Variants in GLIS1 observed in about 807,000 individuals in gnomAD.
GLIS1 encodes the protein zinc finger protein GLIS1.
Under a neutral mutation model 63.8 loss-of-function variants are expected in GLIS1, and 24 were observed. The observed-to-expected ratio is 0.38, with a 90% CI of 0.27 to 0.53. The LOEUF (loss-of-function observed/expected upper bound fraction) is 0.53, where lower values mean the gene tolerates loss of function less well. Among genes scored for constraint, GLIS1 ranks in the 20% least tolerant of loss-of-function variants. The pLI, the probability that GLIS1 is intolerant of heterozygous loss-of-function variation, is 0.85. For missense variants in GLIS1, 1,036 were observed against 1,074.1 expected, an observed-to-expected ratio of 0.96 and a Z score of 0.50; for synonymous variants, 450 against 482.5, an observed-to-expected ratio of 0.93 and a Z score of 0.88.
At chr1:53,713,540 C>T (rs552430129) in intron 2 of GLIS1, among the ~76,000 whole-genome samples, 1 of 152,088 alleles carries the variant, frequency 6.6e-6, no homozygotes, top group Non-Finnish European at 1.5e-5. Flanking sequence ...CACAGTAAGA[C>T]CTCGTCTCTT....
intron 2 of GLIS1, among the ~76,000 whole-genome samples, chr1:53,640,884 G>A (rs1306170835): frequency 2.0e-5 from 3 of 152,144 alleles, no homozygotes; most frequent in African/African-American, 7.2e-5. Context: ...TCTGGGCTTG[G>A]CTGAGATGCA....
chr1:53,639,539 G>A lies in GLIS1; in HGVS notation c.260-39261C>T, dbSNP rs1472736658. On this transcript the variant is annotated intron_variant, in intron 2 of 10. Coordinates refer to ENST00000628545, the MANE Select transcript of GLIS1 (RefSeq NM_001367484.1). The surrounding 1 kb of genome is among the most constrained non-coding windows in gnomAD (Gnocchi z 4.6). ...CCTGGCCCTTTTCTGTGGTTGCAGC[G>A]AAACCAGACTCTCAGGTGATTCACA... is the stretch of plus-strand genomic sequence containing the variant. Among the ~76,000 whole-genome samples, 1 of 152,248 alleles carries A rather than the reference G, an allele frequency of 6.6e-6. No homozygotes were observed. Among genetic ancestry groups the A allele is most frequent in the South Asian group, 2.1e-4 (1 of 4,818 alleles).
chr1:53,657,539 C>T (rs1204040561), intron 2 of GLIS1, among the ~76,000 whole-genome samples: 1 of 152,166 alleles, frequency 6.6e-6, no homozygotes, highest in African/African-American at 2.4e-5. Context: ...TGGCAGCTTC[C>T]CTCTTGGTTT....
intron 2 of GLIS1, among the ~76,000 whole-genome samples, chr1:53,723,583 T>C (rs1203240085): frequency 6.6e-6 from 1 of 152,120 alleles, no homozygotes; most frequent in Non-Finnish European, 1.5e-5. Flanking sequence ...ATCTCAATGA[T>C]ATAAAACTAT....
chr1:53,530,502 C>T (rs1455878408), intron 4 of GLIS1, among the ~76,000 whole-genome samples: 1 of 152,164 alleles, frequency 6.6e-6, no homozygotes, highest in Non-Finnish European at 1.5e-5. Flanking sequence ...GGGGTTTGTC[C>T]GTCTGGAGCA....
chr1:53,700,234 GC>G (rs931949337), intron 2 of GLIS1, among the ~76,000 whole-genome samples: 1 of 152,114 alleles, frequency 6.6e-6, no homozygotes, highest in African/African-American at 2.4e-5. Flanking sequence ...CTCTGGATGC[GC>G]CCCCCAGGCC....
intron 4 of GLIS1, among the ~76,000 whole-genome samples, chr1:53,580,267 G>A (rs960139426): frequency 5.3e-5 from 8 of 152,178 alleles, no homozygotes; most frequent in Admixed American, 2.6e-4. Context: ...CAGGGCTGGA[G>A]CCCCAGGCCG....
At chr1:53,517,230 GCCTCGGC>G (rs1489725832) in intron 7 of GLIS1, among the ~76,000 whole-genome samples, 4 of 152,014 alleles carry the variant, frequency 2.6e-5, no homozygotes, top group African/African-American at 9.7e-5. Context: ...CCCAGCTGAG[GCCTCGGC>G]TCTGGTGCAG....
chr1:53,541,257 A>C (rs540331671), intron 4 of GLIS1, among the ~76,000 whole-genome samples: 1 of 152,348 alleles, frequency 6.6e-6, no homozygotes, highest in South Asian at 2.1e-4. Context: ...CAGAGGGTGC[A>C]AATAGTTCCT....
intron 2 of GLIS1, among the ~76,000 whole-genome samples, chr1:53,655,259 A>G (rs1039647238): frequency 6.6e-6 from 1 of 152,076 alleles, no homozygotes; most frequent in African/African-American, 2.4e-5. Flanking sequence ...CTGCATTTTA[A>G]CCCCTTCCCT....
intron 2 of GLIS1, among the ~76,000 whole-genome samples, chr1:53,660,081 C>T (rs1020374089): frequency 6.6e-6 from 1 of 152,236 alleles, no homozygotes; most frequent in African/African-American, 2.4e-5. Context: ...TTTGAGTCTA[C>T]TCTGGGCTTT....
At position 53,649,170 on chromosome 1, in the gene GLIS1, T is replaced by C. The variant is rs534839688; in HGVS notation, c.260-48892A>G. On this transcript the variant is annotated intron_variant, in intron 2 of 10. Coordinates refer to ENST00000628545, the MANE Select transcript of GLIS1 (RefSeq NM_001367484.1). ...CATAAAATGTATGTAGATACTAGTC[T>C]ATTTTATCACTTACTACCATAAAAT... is the stretch of plus-strand genomic sequence containing the variant. Among the ~76,000 whole-genome samples the C allele has an allele frequency of 2.6e-5, 4 of 152,386 alleles. No individual in the cohort carries two copies. In the South Asian group the frequency reaches 8.3e-4, roughly 32 times the overall value.
rs113585506 is a variant in GLIS1, at chr1:53,561,143, C to T, written c.1321-31191G>A. On this transcript the variant is annotated intron_variant, in intron 4 of 10. Transcript: ENST00000628545. ...CTACTCTTCCCTAGTCCCATTCCAC[C>T]CCACTGGCCAAGTCAGAGATGAAGA... 5.4e-3 allele frequency among the ~76,000 whole-genome samples: 823 copies of T among 152,316 alleles called. 9 individuals are homozygous for T. The highest frequency in any genetic ancestry group is 0.019 in the African/African-American group (797 of 41,554).
At chr1:53,507,408 A>G (rs897660147) in intron 10 of GLIS1, among the ~76,000 whole-genome samples, 1 of 152,126 alleles carries the variant, frequency 6.6e-6, no homozygotes. Flanking sequence ...CTGGCTTCAG[A>G]GATACCTGGC....
chr1:53,561,107 CA>C (rs1644888013), intron 4 of GLIS1, among the ~76,000 whole-genome samples: 1 of 152,156 alleles, frequency 6.6e-6, no homozygotes, highest in Admixed American at 6.5e-5. Flanking sequence ...TTCCCACAGG[CA>C]GAGTGTCCAC....
intron 2 of GLIS1, among the ~76,000 whole-genome samples, chr1:53,652,576 G>C (rs1401199246): frequency 6.6e-6 from 1 of 152,186 alleles, no homozygotes; most frequent in Non-Finnish European, 1.5e-5. Flanking sequence ...GGAGGGCAGG[G>C]ATAGTGTCTG....
rs988213235 is a variant in GLIS1, at chr1:53,599,112, G to A, written c.437+989C>T. On this transcript the variant is annotated intron_variant, in intron 3 of 10. Transcript: ENST00000628545. Reference sequence around the variant, plus strand: ...GTGAGGGGCCTGGGGCTGAGCTGGTGTGCACAGAGGCCTGTCTGTGACTGA... The same window carrying A: ...GTGAGGGGCCTGGGGCTGAGCTGGTATGCACAGAGGCCTGTCTGTGACTGA... Among the ~76,000 whole-genome samples the A allele has an allele frequency of 2.6e-5, 4 of 152,214 alleles. No individual in the cohort carries two copies. The East Asian group carries it at 5.8e-4, about 22-fold the overall frequency.
At chr1:53,694,937 C>A (rs552904075) in intron 2 of GLIS1, among the ~76,000 whole-genome samples, 2 of 152,260 alleles carry the variant, frequency 1.3e-5, no homozygotes, top group East Asian at 1.9e-4. Context: ...CACAGTGAGA[C>A]CCCAATCTCT....
At chr1:53,599,608 G>A (rs1047628813) in intron 3 of GLIS1, among the ~76,000 whole-genome samples, 51 of 152,380 alleles carry the variant, frequency 3.3e-4, no homozygotes, top group African/African-American at 1.2e-3. Context: ...AGGAGAAGCT[G>A]TAGGAGGCGG....
Sources: gnomAD v4.1 joint callset for allele counts (sites outside exome capture counted in the v4.1 genomes callset) on GRCh38, gnomAD v4.1.1 for gene constraint, Gnocchi (gnomAD v3.1) non-coding constraint, MANE v1.5 for transcripts, NCBI Gene and HGNC (gene_info 2026-07-23, HGNC 2026-07-21) for gene names.